TPCN1: variants seen among roughly 807,000 people sequenced by gnomAD.
TPCN1 encodes two pore channel protein 1.
TPCN1 carries 52 observed loss-of-function variants against 108.8 expected under a neutral mutation model. The ratio of observed to expected loss-of-function variants is 0.48; its 90% CI spans 0.38 to 0.60. The LOEUF (loss-of-function observed/expected upper bound fraction) is 0.60. TPCN1 is among the 20% of genes least tolerant of loss of function. The probability of loss-of-function intolerance (pLI) is 0.00; values close to 1 mark genes in which losing one functional copy is unlikely to be tolerated. For synonymous variants in TPCN1, 446 were observed against 433.7 expected (o/e 1.03, Z -0.35); for missense variants, 806 against 1,072.8 (o/e 0.75, Z 3.47).
Position 113,266,708 on chromosome 12 carries a change from T to G in TPCN1, c.414+352T>G, listed in dbSNP as rs1184307949. ...AGCCTCAAAGGAGAAGGCAGTTCGG[T>G]GTGGTCACCATGGGAGGTGGGGGAT... On this transcript the variant is annotated intron_variant, in intron 4 of 27. Coordinates refer to ENST00000335509, the MANE Select transcript of TPCN1 (RefSeq NM_017901.6). This position sits in a 1 kb window ranked among gnomAD's most constrained non-coding sequence, Gnocchi z 4.2. 6.6e-6 allele frequency among the ~76,000 whole-genome samples: 1 copy of G among 152,134 alleles called. No individual in the cohort carries two copies. Among genetic ancestry groups the G allele is most frequent in the Non-Finnish European group, 1.5e-5 (1 of 68,020 alleles).
intron 12 of TPCN1, 46 bp from the exon 13 acceptor site, chr12:113,278,143 G>T: frequency 6.4e-7 from 1 of 1,558,044 alleles, no homozygotes; most frequent in South Asian, 1.1e-5. Flanking sequence ...AAGCACAGTG[G>T]AACTATGTTC....
chr12:113,260,895 T>C (rs1042122428), intron 3 of TPCN1, among the ~76,000 whole-genome samples: 5 of 152,042 alleles, frequency 3.3e-5, no homozygotes, highest in African/African-American at 9.7e-5. Context: ...TTTTTTTTTT[T>C]GAAAAATATA....
Position 113,272,836 on chromosome 12 carries a change from G to A in TPCN1, c.783+144G>A, listed in dbSNP as rs1053750665. On this transcript the variant is annotated intron_variant, in intron 8 of 27. Transcript: ENST00000335509. This position sits in a 1 kb window ranked among gnomAD's most constrained non-coding sequence, Gnocchi z 4.1. ...ATAGCTTGTGTGTGCATTGCACCTG[G>A]GAGTTCCCATCACTCAGACTTGACC... is the stretch of plus-strand genomic sequence containing the variant. 1.2e-6 allele frequency: 1 copy of A among 831,276 alleles called. No individual in the cohort carries two copies. Among genetic ancestry groups the A allele is most frequent in the Non-Finnish European group, 2.1e-6 (1 of 481,708 alleles). The allele number at this position is 831,276 out of a possible 1,614,324, so 51.5% of individuals were successfully genotyped here.
In TPCN1 at chr12:113,288,075, C is replaced by T. The variant is rs1215661801; in HGVS notation, c.1635-88C>T. ...GCCCTCACCTGTCTTCACCGCATGG[C>T]GTGTGGAAGGCGGGGCCGGCATGTT... On this transcript the variant is annotated intron_variant, in intron 19 of 27. Transcript: ENST00000335509. The surrounding 1 kb of genome is among the most constrained non-coding windows in gnomAD (Gnocchi z 4.8). 1.9e-5 allele frequency: 25 copies of T among 1,299,838 alleles called. No homozygotes were observed. The highest frequency in any genetic ancestry group is 1.3e-4 in the Admixed American group (7 of 53,480). 80.5% of individuals were successfully genotyped at this position (1,299,838 alleles called of 1,614,324 possible).
At chr12:113,244,465 A>C in intron 2 of TPCN1, 1 of 985,434 alleles carries the variant, frequency 1.0e-6, no homozygotes, top group South Asian at 4.7e-5. Flanking sequence ...AATTATCAGA[A>C]AGAGAAGGCC....
intron 2 of TPCN1, among the ~76,000 whole-genome samples, chr12:113,243,567 A>G (rs1954232380): frequency 6.6e-6 from 1 of 152,116 alleles, no homozygotes; most frequent in Admixed American, 6.5e-5. Flanking sequence ...CAGCCTGGCC[A>G]ACTTTGTGAA....
At chr12:113,263,728 C>T (rs1168614140) in intron 3 of TPCN1, among the ~76,000 whole-genome samples, 1 of 152,236 alleles carries the variant, frequency 6.6e-6, no homozygotes, top group South Asian at 2.1e-4. Flanking sequence ...TCTGGAGCCA[C>T]GTGCTCAGCA....
At position 113,293,281 on chromosome 12, in the gene TPCN1, G is replaced by A. The variant is rs1956327704; in HGVS notation, c.2266G>A (p.Val756Met). Residue 756 changes from valine to methionine, a missense_variant, in exon 27 of 28, where the codon GTG becomes ATG. Transcript: ENST00000335509. ...TGCTCTTCCTTAGCAACATTCCATGGTGTTTCTGGGACGGCGATCAAGGAC... is the reference window on the plus strand; with the variant it reads ...TGCTCTTCCTTAGCAACATTCCATGATGTTTCTGGGACGGCGATCAAGGAC... ...QMERYQQHSM[V>M]FLGRRSRTKS... The A allele has an allele frequency of 1.9e-6, 3 of 1,614,118 alleles. No individual in the cohort carries two copies. The East Asian group carries it at 6.7e-5, about 36-fold the overall frequency.
chr12:113,230,908 T>C (rs1593072019), intron 2 of TPCN1, among the ~76,000 whole-genome samples: 1 of 152,326 alleles, frequency 6.6e-6, no homozygotes, highest in South Asian at 2.1e-4. Flanking sequence ...GCAGCCTCCC[T>C]CCTGCCGCCT....
intron 2 of TPCN1, among the ~76,000 whole-genome samples, chr12:113,251,030 C>T (rs1427977564): frequency 6.6e-6 from 1 of 151,872 alleles, no homozygotes; most frequent in Non-Finnish European, 1.5e-5. Context: ...CGGCCAGGTG[C>T]AGTGGCTCAC....
intron 3 of TPCN1, among the ~76,000 whole-genome samples, chr12:113,263,747 G>A (rs565475506): frequency 3.4e-4 from 52 of 152,342 alleles, no homozygotes; most frequent in African/African-American, 1.2e-3. Context: ...CAGTCCTGAC[G>A]CCTTTGAAAC....
rs941693098 is a variant in TPCN1 at position 113,268,455 on chromosome 12, C to T, written c.529-287C>T. Among the ~76,000 whole-genome samples the T allele has an allele frequency of 2.6e-5, 4 of 152,178 alleles. No individual in the cohort carries two copies. The highest frequency in any genetic ancestry group is 1.9e-4 in the East Asian group (1 of 5,194). On this transcript the variant is annotated intron_variant, in intron 5 of 27. Coordinates refer to ENST00000335509, the MANE Select transcript of TPCN1 (RefSeq NM_017901.6). This position sits in a 1 kb window ranked among gnomAD's most constrained non-coding sequence, Gnocchi z 7.3. ...GCCCCGGGATCCCTGATGTGAGTGG[C>T]GAGGGCTGATCGAGGGGTCCTGGCA... is the stretch of plus-strand genomic sequence containing the variant.
At chr12:113,278,109 A>C in intron 12 of TPCN1, 80 bp from the exon 13 acceptor site, 2 of 1,258,384 alleles carry the variant, frequency 1.6e-6, no homozygotes, top group Non-Finnish European at 2.3e-6. Context: ...AAAGGTGTCC[A>C]TAGGCAGGCA....
chr12:113,266,639 G>A lies in TPCN1; in HGVS notation c.414+283G>A, dbSNP rs544198838. Reference sequence around the variant, plus strand: ...GGACCAGTGCCCACACCTTGGCTCCGGGTGGGGAGGGCACCCAGTGGACAG... The same window carrying A: ...GGACCAGTGCCCACACCTTGGCTCCAGGTGGGGAGGGCACCCAGTGGACAG... On this transcript the variant is annotated intron_variant, in intron 4 of 27. Transcript: ENST00000335509. The surrounding 1 kb of genome is among the most constrained non-coding windows in gnomAD (Gnocchi z 4.2). Among the ~76,000 whole-genome samples the A allele has an allele frequency of 4.1e-4, 62 of 152,206 alleles. No homozygotes were observed. Among genetic ancestry groups the A allele is most frequent in the Non-Finnish European group, 3.4e-4 (23 of 68,040 alleles).
chr12:113,226,990 G>A, intron 2 of TPCN1, 26 bp downstream of exon 2: 1 of 1,582,456 alleles, frequency 6.3e-7, no homozygotes, highest in Non-Finnish European at 8.6e-7. Flanking sequence ...GGGCTGGGGG[G>A]ACCCCAGCTT....
At chr12:113,241,948 G>A (rs1954154551) in intron 2 of TPCN1, among the ~76,000 whole-genome samples, 1 of 152,136 alleles carries the variant, frequency 6.6e-6, no homozygotes, top group Non-Finnish European at 1.5e-5. Flanking sequence ...TAAACCCAGT[G>A]GCATGGGAGC....
Position 113,296,743 on chromosome 12 carries a change from C to T in TPCN1, c.*667C>T, listed in dbSNP as rs1019399969. 6.6e-6 allele frequency: 1 copy of T among 152,310 alleles called. No individual in the cohort carries two copies. The highest frequency in any genetic ancestry group is 1.9e-4 in the East Asian group (1 of 5,190). The allele number at this position is 152,310 out of a possible 1,614,324, so 9.4% of individuals were successfully genotyped here. ...CTCCCTTGGCTCTGCAAGCCTCCCACCCAGCCTTCTCTGGCTTAACCCTTG... is the reference window on the plus strand; with the variant it reads ...CTCCCTTGGCTCTGCAAGCCTCCCATCCAGCCTTCTCTGGCTTAACCCTTG... On this transcript the variant is annotated 3_prime_UTR_variant, in exon 28 of 28. Transcript: ENST00000335509.
chr12:113,226,998 C>G, intron 2 of TPCN1, 34 bp downstream of exon 2: 1 of 1,575,912 alleles, frequency 6.3e-7, no homozygotes, highest in Non-Finnish European at 8.6e-7. Context: ...GGGACCCCAG[C>G]TTTTCTGTTT....
rs1335653605 is a variant in TPCN1, at chr12:113,268,954, CAGTT to C, written c.659+86_659+89del. The stretch of plus-strand genomic sequence containing the variant: ...GCCAGTGGGGCAGGAGCTTGTGAGT[CAGTT>C]AGTGATGAGGTCGACCCTGCATGCT... On this transcript the variant is annotated intron_variant, in intron 6 of 27. Coordinates refer to ENST00000335509, the MANE Select transcript of TPCN1 (RefSeq NM_017901.6). The surrounding 1 kb of genome is among the most constrained non-coding windows in gnomAD (Gnocchi z 7.3). The C allele has an allele frequency of 5.8e-6, 9 of 1,544,912 alleles. No homozygotes were observed. The highest frequency in any genetic ancestry group is 1.4e-5 in the African/African-American group (1 of 73,700).
Sources: gnomAD v4.1 joint callset for allele counts (sites outside exome capture counted in the v4.1 genomes callset) on GRCh38, gnomAD v4.1.1 for gene constraint, Gnocchi (gnomAD v3.1) non-coding constraint, MANE v1.5 for transcripts, NCBI Gene and HGNC (gene_info 2026-07-23, HGNC 2026-07-21) for gene names.